Variants in GOLGB1 observed in about 807,000 individuals in gnomAD.
GOLGB1 encodes the protein golgin B1, also known as golgin subfamily B member 1.
A neutral mutation model predicts 336.9 loss-of-function variants in GOLGB1; 174 were observed. The observed-to-expected ratio is 0.52, with a 90% CI of 0.46 to 0.59. The LOEUF (loss-of-function observed/expected upper bound fraction) is 0.59. Among genes scored for constraint, GOLGB1 ranks in the 20% least tolerant of loss-of-function variants. The probability of loss-of-function intolerance (pLI) is 0.00; values close to 1 mark genes in which losing one functional copy is unlikely to be tolerated. For synonymous variants in GOLGB1, 1,208 were observed against 1,289.2 expected, an observed-to-expected ratio of 0.94 and a Z score of 1.35; for missense variants, 3,331 against 3,645.3, an observed-to-expected ratio of 0.91 and a Z score of 2.22.
intron 1 of GOLGB1, among the ~76,000 whole-genome samples, chr3:121,746,060 T>C (rs1360849955): frequency 1.3e-5 from 2 of 152,212 alleles, no homozygotes; most frequent in Non-Finnish European, 2.9e-5. Flanking sequence ...CCTGTGTATA[T>C]ATGCATATAT....
At chr3:121,688,658 C>T (rs1216604936) in intron 14 of GOLGB1, among the ~76,000 whole-genome samples, 16 of 148,058 alleles carry the variant, frequency 1.1e-4, no homozygotes, top group Non-Finnish European at 1.8e-4. Context: ...TCGTCTGGGA[C>T]GTGAGGAGCC....
rs775052404 is a variant in GOLGB1, at chr3:121,694,071, T to C, written c.6452A>G (p.Asp2151Gly). The C allele has an allele frequency of 6.2e-7, 1 of 1,614,026 alleles. No individual in the cohort carries two copies. The highest frequency in any genetic ancestry group is 2.2e-5 in the East Asian group (1 of 44,886). ...KEKKNMQEKLDALRREKVHLE... is the reference protein window; with the variant it reads ...KEKKNMQEKLGALRREKVHLE... ...GTGGACTTTTTCTCTGCGCAAAGCA[T>C]CCAGTTTCTCTTGCATATTCTTCTT... Residue 2151 changes from aspartate (D) to glycine (G), a missense_variant, in exon 13 of 22, where the codon GAT becomes GGT. Transcript: ENST00000614479.
intron 1 of GOLGB1, among the ~76,000 whole-genome samples, chr3:121,747,796 A>G (rs1257474347): frequency 6.6e-6 from 1 of 152,134 alleles, no homozygotes; most frequent in African/African-American, 2.4e-5. Context: ...TAGATAGAAA[A>G]GAAAAAGACT....
At chr3:121,744,441 C>CAAAAAAAAAAAAAAAAAAAAAAAAAAA (rs11290154) in intron 1 of GOLGB1, among the ~76,000 whole-genome samples, 2 of 73,096 alleles carry the variant, frequency 2.7e-5, no homozygotes, top group Non-Finnish European at 5.4e-5. Context: ...ACTGTCTCTA[C>CAAAAAAAAAAAAAAAAAAAAAAAAAAA]AAAAAAAAAA....
intron 10 of GOLGB1, among the ~76,000 whole-genome samples, chr3:121,707,368 T>C (rs558563309): frequency 6.6e-5 from 10 of 151,598 alleles, no homozygotes; most frequent in Admixed American, 5.3e-4. Flanking sequence ...ACACCTGTAA[T>C]CCCAGCACTC....
chr3:121,695,305 A>G lies in GOLGB1; in HGVS notation c.5218T>C (p.Tyr1740His). 6.2e-7 allele frequency: 1 copy of G among 1,612,938 alleles called. No individual in the cohort carries two copies. ...KEELERVKME[Y>H]ETLSKKFQSL... is the part of the protein sequence containing the mutation. ...TGAAACTTCTTAGAAAGGGTTTCAT[A>G]CTCCATTTTGACCCTTTCAAGTTCT... is the stretch of plus-strand genomic sequence containing the variant. Residue 1740 changes from tyrosine to histidine, a missense_variant, in exon 13 of 22, where the codon TAT becomes CAT. Physicochemically the swap from Tyr to His is moderately conservative, Grantham distance 83. Coordinates refer to ENST00000614479, the MANE Select transcript of GOLGB1 (RefSeq NM_001366282.2).
chr3:121,687,175 T>C (rs1409735139), intron 14 of GOLGB1, among the ~76,000 whole-genome samples: 3 of 151,994 alleles, frequency 2.0e-5, no homozygotes, highest in Non-Finnish European at 4.4e-5. Flanking sequence ...GGCAGGAGAA[T>C]TGCTTGAACC....
At chr3:121,675,926 A>G (rs538145853) in intron 17 of GOLGB1, among the ~76,000 whole-genome samples, 11 of 152,320 alleles carry the variant, frequency 7.2e-5, no homozygotes, top group Admixed American at 2.0e-4. Flanking sequence ...TAGTTGACGG[A>G]AAAAAGAGAC....
chr3:121,675,028 G>T (rs1282236295), intron 17 of GOLGB1, among the ~76,000 whole-genome samples: 1 of 150,914 alleles, frequency 6.6e-6, no homozygotes, highest in East Asian at 1.9e-4. Flanking sequence ...AGTAGAGACG[G>T]GGTTTCACCT....
At chr3:121,693,288 A>G (rs948920772) in intron 13 of GOLGB1, among the ~76,000 whole-genome samples, 1 of 152,164 alleles carries the variant, frequency 6.6e-6, no homozygotes, top group African/African-American at 2.4e-5. Flanking sequence ...GGAGTTCGAG[A>G]CCAGCCTGGC....
chr3:121,678,584 T>C (rs1489891271), intron 15 of GOLGB1, among the ~76,000 whole-genome samples: 1 of 152,082 alleles, frequency 6.6e-6, no homozygotes, highest in East Asian at 1.9e-4. Context: ...TTTTTTTTTT[T>C]TGAAACAGGG....
At position 121,691,943 on chromosome 3, in the gene GOLGB1, A is replaced by T; in HGVS notation, c.7421T>A (p.Leu2474His). ...CACTATGCGGTCTCGATCATTTTGG[A>T]GAGAAGACATGGATTTAACAAAGGA... Reference protein sequence around the residue: ...LDSFVKSMSSLQNDRDRIVGD... With the variant: ...LDSFVKSMSSHQNDRDRIVGD... The change falls in exon 14 of 22, where the codon CTC (leucine) becomes CAC (histidine). Residue 2474 changes from leucine to histidine, a missense_variant. By Grantham distance (99) the Leu-to-His change is moderately conservative (BLOSUM62 -3). Transcript: ENST00000614479. The T allele has an allele frequency of 6.2e-7, 1 of 1,614,132 alleles. No individual in the cohort carries two copies. The highest frequency in any genetic ancestry group is 8.5e-7 in the Non-Finnish European group (1 of 1,180,018).
intron 17 of GOLGB1, among the ~76,000 whole-genome samples, chr3:121,674,467 T>A (rs1360147274): frequency 6.6e-6 from 1 of 152,284 alleles, no homozygotes; most frequent in Non-Finnish European, 1.5e-5. Context: ...ATAGTTGTTA[T>A]ACTGTATTTT....
chr3:121,730,235 A>G (rs1945985201), intron 2 of GOLGB1: 1 of 398,172 alleles, frequency 2.5e-6, no homozygotes. Flanking sequence ...CATTTAAGGT[A>G]TTATTATCCT....
At chr3:121,747,285 GTA>G (rs199651103) in intron 1 of GOLGB1, among the ~76,000 whole-genome samples, 16,564 of 135,606 alleles carry the variant, frequency 0.12, 1,183 homozygotes, top group African/African-American at 0.19. Context: ...ATGTATATAT[GTA>G]TATATATGTG....
chr3:121,708,093 A>G (rs967238864), intron 10 of GOLGB1, among the ~76,000 whole-genome samples: 1 of 152,214 alleles, frequency 6.6e-6, no homozygotes, highest in Non-Finnish European at 1.5e-5. Flanking sequence ...TCAACAATAC[A>G]ATGGAATGAA....
chr3:121,709,666 C>T (rs1297026017), intron 10 of GOLGB1, among the ~76,000 whole-genome samples: 1 of 152,086 alleles, frequency 6.6e-6, no homozygotes, highest in Non-Finnish European at 1.5e-5. Context: ...ACATAACAAG[C>T]TATGCTTAGA....
intron 1 of GOLGB1, among the ~76,000 whole-genome samples, chr3:121,745,328 GTATA>G (rs1947185073): frequency 1.4e-5 from 2 of 146,926 alleles, no homozygotes; most frequent in South Asian, 4.3e-4. Context: ...ACACGTGTAT[GTATA>G]TATACATATG....
chr3:121,704,191 T>C (rs1465050074), intron 10 of GOLGB1, among the ~76,000 whole-genome samples: 1 of 151,736 alleles, frequency 6.6e-6, no homozygotes, highest in African/African-American at 2.4e-5. Context: ...AATATACGTG[T>C]AATTGGAGTA....
Sources: gnomAD v4.1 joint callset for allele counts (sites outside exome capture counted in the v4.1 genomes callset) on GRCh38, gnomAD v4.1.1 for gene constraint, MANE v1.5 for transcripts, NCBI Gene and HGNC (gene_info 2026-07-23, HGNC 2026-07-21) for gene names.